SLCO2B1: variants seen among roughly 807,000 people sequenced by gnomAD.
SLCO2B1 encodes the protein solute carrier organic anion transporter family member 2B1.
In SLCO2B1, 41 loss-of-function variants were observed where a neutral mutation model predicts 67.3. The observed-to-expected ratio is 0.61, with a 90% CI of 0.47 to 0.79. The LOEUF (loss-of-function observed/expected upper bound fraction) is 0.79, where lower values mean the gene tolerates loss of function less well. Among genes scored for constraint, SLCO2B1 ranks in the 30% least tolerant of loss-of-function variants. SLCO2B1 has a pLI of 0.00. For synonymous variants in SLCO2B1, 379 were observed against 381.4 expected, an observed-to-expected ratio of 0.99 and a Z score of 0.07; for missense variants, 837 against 920.1, an observed-to-expected ratio of 0.91 and a Z score of 1.17.
intron 10 of SLCO2B1, chr11:75,199,953 C>G (rs935047298): frequency 1.2e-4 from 53 of 444,578 alleles, no homozygotes; most frequent in Middle Eastern, 1.2e-3. Flanking sequence ...TCTCCTGGCT[C>G]CCTCCCTCTT....
intron 6 of SLCO2B1, 151 bp downstream of exon 6, chr11:75,169,915 T>A (rs1949939106): frequency 3.2e-6 from 2 of 624,126 alleles, no homozygotes; most frequent in South Asian, 1.9e-5. Context: ...AGCTTTCTCA[T>A]CTGTGAGATA....
rs1279006396 is a variant in SLCO2B1 at position 75,172,478 on chromosome 11, A to T, written c.881A>T (p.Tyr294Phe). 2 of 1,614,010 alleles carry T rather than the reference A, an allele frequency of 1.2e-6. No homozygotes were observed. The highest frequency in any genetic ancestry group is 2.2e-5 in the East Asian group (1 of 44,870). ...GCAGTGGCCCTGGCTGCCATCCCCT[A>T]CTTCTTCTTCCCCAAGGAAATGCCC... is the stretch of plus-strand genomic sequence containing the variant. The part of the protein sequence containing the change: ...AGAVALAAIP[Y>F]FFFPKEMPKE... Residue 294 changes from tyrosine (Y) to phenylalanine (F), a missense_variant, in exon 7 of 14, where the codon TAC becomes TTC. By Grantham distance (22) the Tyr-to-Phe change is conservative. Transcript: ENST00000289575.
intron 8 of SLCO2B1, among the ~76,000 whole-genome samples, chr11:75,188,839 C>G (rs1047512198): frequency 1.3e-5 from 2 of 152,194 alleles, no homozygotes; most frequent in African/African-American, 2.4e-5. Flanking sequence ...TTCTCAGAAC[C>G]CTCAGGGCTT....
At position 75,193,071 on chromosome 11, in the gene SLCO2B1, T is replaced by G; in HGVS notation, c.1076-147T>G. The G allele has an allele frequency of 1.6e-6, 1 of 617,372 alleles. No individual in the cohort carries two copies. 38.2% of individuals were successfully genotyped at this position (617,372 alleles called of 1,614,324 possible). A position where few individuals can be genotyped will look rare whatever the true frequency, so the allele number is the denominator to read the frequency against. On this transcript the variant is annotated intron_variant, in intron 8 of 13. Coordinates refer to ENST00000289575, the MANE Select transcript of SLCO2B1 (RefSeq NM_007256.5). The surrounding 1 kb of genome is among the most constrained non-coding windows in gnomAD (Gnocchi z 4.2). ...CTAGAGTAAATGGAATGGAGTCAAG[T>G]GGGATAAAATTGATTGCAATAGAAT...
intron 7 of SLCO2B1, among the ~76,000 whole-genome samples, chr11:75,180,837 T>G (rs369014466): frequency 6.6e-6 from 1 of 152,200 alleles, no homozygotes; most frequent in Non-Finnish European, 1.5e-5. Context: ...GGGACTTGGG[T>G]AACAGAGATT....
At chr11:75,176,081 G>A (rs1163205490) in intron 7 of SLCO2B1, among the ~76,000 whole-genome samples, 1 of 152,204 alleles carries the variant, frequency 6.6e-6, no homozygotes, top group Non-Finnish European at 1.5e-5. Flanking sequence ...CAGTCTTCCT[G>A]TCTACAATCA....
rs950506336 is a variant in SLCO2B1, at chr11:75,162,986, G to T, written c.147+201G>T. 2.4e-5 allele frequency: 13 copies of T among 541,218 alleles called. No homozygotes were observed. In the East Asian group the frequency reaches 3.1e-4, roughly 13 times the overall value. 33.5% of individuals were successfully genotyped at this position (541,218 alleles called of 1,614,324 possible). A position where few individuals can be genotyped will look rare whatever the true frequency, so the allele number is the denominator to read the frequency against. On this transcript the variant is annotated intron_variant, in intron 2 of 13. Transcript: ENST00000289575. ...CATGGAAGGTGGCCAGTACATGTTC[G>T]CTCCTCCCAGAGAGGAAAGGGGTGT...
chr11:75,203,462 C>T, intron 13 of SLCO2B1, 35 bp downstream of exon 13: 1 of 1,612,194 alleles, frequency 6.2e-7, no homozygotes, highest in Non-Finnish European at 8.5e-7. Context: ...GGGAAGGGTG[C>T]TGGAAATACT....
intron 4 of SLCO2B1, among the ~76,000 whole-genome samples, chr11:75,167,537 C>T (rs1249219687): frequency 6.6e-6 from 1 of 152,152 alleles, no homozygotes; most frequent in African/African-American, 2.4e-5. Flanking sequence ...ACTCTCCAGG[C>T]TATTCCACTC....
Position 75,190,654 on chromosome 11 carries a change from T to C in SLCO2B1, c.1075+2416T>C, listed in dbSNP as rs145026521. ...TGTCTGATAAGGGAGACGTAGTCCT[T>C]GAACTAGAGGAGGTTCCTGGGGGAG... On this transcript the variant is annotated intron_variant, in intron 8 of 13. Transcript: ENST00000289575. Among the ~76,000 whole-genome samples the C allele has an allele frequency of 4.7e-3, 721 of 152,310 alleles. 5 individuals are homozygous for C. The highest frequency in any genetic ancestry group is 0.016 in the African/African-American group (657 of 41,554).
At chr11:75,157,157 G>C (rs1245728947) in intron 1 of SLCO2B1, 4 of 152,216 alleles carry the variant, frequency 2.6e-5, no homozygotes. Context: ...TGTGGGGAGA[G>C]AGTCTGAGAA....
intron 1 of SLCO2B1, among the ~76,000 whole-genome samples, chr11:75,159,105 G>T (rs1388973189): frequency 6.6e-6 from 1 of 152,220 alleles, no homozygotes; most frequent in Non-Finnish European, 1.5e-5. Context: ...GGAGCTGCAG[G>T]CAGGTGGCTG....
chr11:75,196,487 A>G, intron 9 of SLCO2B1, 27 bp from the exon 10 acceptor site: 2 of 1,605,848 alleles, frequency 1.2e-6, no homozygotes, highest in South Asian at 2.2e-5. Context: ...AAGCCAGGCC[A>G]ACCCTACTGG....
intron 4 of SLCO2B1, 152 bp from the exon 5 acceptor site, chr11:75,169,021 G>A: frequency 3.4e-6 from 2 of 595,116 alleles, no homozygotes; most frequent in Non-Finnish European, 5.7e-6. Flanking sequence ...CCTCACCTAT[G>A]AAACAGGCAT....
At chr11:75,191,600 T>C (rs982585893) in intron 8 of SLCO2B1, among the ~76,000 whole-genome samples, 2 of 152,156 alleles carry the variant, frequency 1.3e-5, no homozygotes, top group Non-Finnish European at 2.9e-5. Flanking sequence ...GGCTTGGCCC[T>C]GCTCTGAGGA....
chr11:75,199,985 T>A (rs1428390948), intron 10 of SLCO2B1: 2 of 518,634 alleles, frequency 3.9e-6, no homozygotes, highest in East Asian at 3.3e-5. Flanking sequence ...TCTCTCTGCT[T>A]CCCTCTCCCT....
chr11:75,186,163 A>C, intron 7 of SLCO2B1, among the ~76,000 whole-genome samples: 1 of 150,992 alleles, frequency 6.6e-6, no homozygotes. Context: ...CTCCCTCCTC[A>C]GCCTCTTGTG....
At chr11:75,172,801 C>T (rs541546416) in intron 7 of SLCO2B1, among the ~76,000 whole-genome samples, 1 of 152,164 alleles carries the variant, frequency 6.6e-6, no homozygotes, top group East Asian at 1.9e-4. Context: ...TGGTGGTGGG[C>T]ACCTGTAGTC....
chr11:75,177,374 C>T (rs1950038682), intron 7 of SLCO2B1, among the ~76,000 whole-genome samples: 3 of 152,158 alleles, frequency 2.0e-5, no homozygotes, highest in African/African-American at 4.8e-5. Flanking sequence ...GGTAGCTGAT[C>T]ATGCCCAAGA....
Sources: allele counts gnomAD v4.1 joint callset (sites outside exome capture counted in the v4.1 genomes callset), GRCh38; gene constraint gnomAD v4.1.1; non-coding constraint Gnocchi (gnomAD v3.1); transcripts MANE v1.5; gene names NCBI Gene and HGNC (gene_info 2026-07-23, HGNC 2026-07-21).